The following KCNJ15 variants were observed in gnomAD, a reference collection of about 807,000 sequenced individuals.
KCNJ15 encodes the protein ATP-sensitive inward rectifier potassium channel 15.
Under a neutral mutation model 23.0 loss-of-function variants are expected in KCNJ15, and 14 were observed. That is an observed-to-expected ratio of 0.61 (90% CI 0.40 to 0.95). The LOEUF (loss-of-function observed/expected upper bound fraction) is 0.95. Ranked by LOEUF, KCNJ15 falls within the 40% of genes least tolerant of loss-of-function variation. KCNJ15 has a pLI of 0.00. For synonymous variants in KCNJ15, 185 were observed against 183.2 expected, an observed-to-expected ratio of 1.01 and a Z score of -0.08; for missense variants, 388 against 461.8, an observed-to-expected ratio of 0.84 and a Z score of 1.46.
chr21:38,231,268 A>C (rs1266375072), intron 1 of KCNJ15, among the ~76,000 whole-genome samples: 1 of 151,982 alleles, frequency 6.6e-6, no homozygotes, highest in Non-Finnish European at 1.5e-5. Context: ...GCCTATAACA[A>C]TGCAATTAAT....
At chr21:38,263,716 T>C (rs1601169626) in intron 1 of KCNJ15, among the ~76,000 whole-genome samples, 1 of 152,210 alleles carries the variant, frequency 6.6e-6, no homozygotes, top group East Asian at 2.0e-4. Context: ...ACATGTGTGA[T>C]GTCCAGGCTC....
rs1339140573 is a variant in KCNJ15 at position 38,304,246 on chromosome 21, C to CT, written c.*3857_*3858insT. The CT allele has an allele frequency of 8.7e-6, 1 of 115,214 alleles. No homozygotes were observed. Among genetic ancestry groups the CT allele is most frequent in the African/African-American group, 3.2e-5 (1 of 31,174 alleles). The allele number at this position is 115,214 out of a possible 1,614,324, so 7.1% of individuals were successfully genotyped here. On this transcript the variant is annotated 3_prime_UTR_variant, in exon 3 of 3. Coordinates refer to ENST00000398938, the MANE Select transcript of KCNJ15 (RefSeq NM_170736.3). ...GGTATATCTCCTAATGCTATCCCTCCCCCCTCCCCCCACCCCACAACAGTC... is the reference window on the plus strand; with the variant it reads ...GGTATATCTCCTAATGCTATCCCTCCTCCCCTCCCCCCACCCCACAACAGTC...
chr21:38,291,904 A>T (rs982088555), intron 1 of KCNJ15, among the ~76,000 whole-genome samples: 5 of 152,278 alleles, frequency 3.3e-5, no homozygotes, highest in African/African-American at 1.2e-4. Context: ...TGGGAATAAT[A>T]TTAGTACTTA....
intron 1 of KCNJ15, among the ~76,000 whole-genome samples, chr21:38,257,395 A>G (rs1309245655): frequency 1.3e-5 from 2 of 152,206 alleles, no homozygotes; most frequent in African/African-American, 2.4e-5. Context: ...GGACAAAAAA[A>G]AGTGTTTTAT....
At chr21:38,283,963 G>A (rs1008430199) in intron 1 of KCNJ15, among the ~76,000 whole-genome samples, 3 of 152,162 alleles carry the variant, frequency 2.0e-5, no homozygotes, top group African/African-American at 7.2e-5. Context: ...CTGGGTTGCT[G>A]CTTCCACACT....
rs1158363870 is a variant in KCNJ15 at position 38,300,834 on chromosome 21, T to C, written c.*445T>C. ...TCATTGATCTCACTGCTTTAAAACA[T>C]GCTCTTTTTGTTCAAGCAGGAAAAA... On this transcript the variant is annotated 3_prime_UTR_variant, in exon 3 of 3. Transcript: ENST00000398938. 1 of 169,374 alleles carries C rather than the reference T, an allele frequency of 5.9e-6. No individual in the cohort carries two copies. The highest frequency in any genetic ancestry group is 1.4e-5 in the Non-Finnish European group (1 of 70,190). The allele number at this position is 169,374 out of a possible 1,614,324, so 10.5% of individuals were successfully genotyped here. A position where few individuals can be genotyped will look rare whatever the true frequency, so the allele number is the denominator to read the frequency against.
At chr21:38,239,561 C>T (rs528538885) in intron 1 of KCNJ15, among the ~76,000 whole-genome samples, 4 of 152,262 alleles carry the variant, frequency 2.6e-5, no homozygotes, top group Admixed American at 6.5e-5. Flanking sequence ...TACTTAATTT[C>T]AACCACATTT....
At position 38,257,160 on chromosome 21, in the gene KCNJ15, G is replaced by A. The variant is rs1980335053; in HGVS notation, c.-142G>A. 6.6e-6 allele frequency: 1 copy of A among 152,248 alleles called. No individual in the cohort carries two copies. Among genetic ancestry groups the A allele is most frequent in the African/African-American group, 2.4e-5 (1 of 41,436 alleles). 9.4% of individuals were successfully genotyped at this position (152,248 alleles called of 1,614,324 possible). A position where few individuals can be genotyped will look rare whatever the true frequency, so the allele number is the denominator to read the frequency against. ...TTGACATAACTTCCCATCCAGCCAG[G>A]AGTCTGCACTCTTCAGTCTTTGCAG... is the stretch of plus-strand genomic sequence containing the variant. On this transcript the variant is annotated 5_prime_UTR_variant, in exon 1 of 3. Coordinates refer to ENST00000398938, the MANE Select transcript of KCNJ15 (RefSeq NM_170736.3).
At chr21:38,266,694 A>T (rs1400379913) in intron 1 of KCNJ15, among the ~76,000 whole-genome samples, 1 of 152,176 alleles carries the variant, frequency 6.6e-6, no homozygotes, top group African/African-American at 2.4e-5. Flanking sequence ...TGCTGGGTCA[A>T]ATGGTATTTC....
intron 1 of KCNJ15, among the ~76,000 whole-genome samples, chr21:38,287,466 G>A (rs969470807): frequency 1.3e-5 from 2 of 152,268 alleles, no homozygotes; most frequent in Admixed American, 1.3e-4. Flanking sequence ...AGGCCACTCT[G>A]TACTATGCAA....
chr21:38,283,764 G>A (rs1983599233), intron 1 of KCNJ15, among the ~76,000 whole-genome samples: 2 of 152,178 alleles, frequency 1.3e-5, no homozygotes, highest in Non-Finnish European at 2.9e-5. Flanking sequence ...CGGACACCAT[G>A]CAGGAAGCTC....
chr21:38,274,297 G>C (rs1265206259), intron 1 of KCNJ15, among the ~76,000 whole-genome samples: 2 of 152,186 alleles, frequency 1.3e-5, no homozygotes, highest in Non-Finnish European at 2.9e-5. Flanking sequence ...AGCCAAGTTT[G>C]TTCCACATCC....
intron 1 of KCNJ15, among the ~76,000 whole-genome samples, chr21:38,245,005 T>C (rs1339911221): frequency 6.6e-6 from 1 of 152,090 alleles, no homozygotes; most frequent in East Asian, 1.9e-4. Context: ...ATTGTCGGTC[T>C]AAGATGCTCT....
At chr21:38,240,438 G>A (rs1978916692) in intron 1 of KCNJ15, among the ~76,000 whole-genome samples, 2 of 152,276 alleles carry the variant, frequency 1.3e-5, no homozygotes, top group Middle Eastern at 3.4e-3. Context: ...TAGCAAGGAA[G>A]TTTTTCTTCA....
intron 1 of KCNJ15, among the ~76,000 whole-genome samples, chr21:38,268,550 GAAAAA>G (rs576709021): frequency 9.1e-4 from 43 of 47,268 alleles, no homozygotes; most frequent in Admixed American, 2.3e-3. Context: ...CTTAAAATCT[GAAAAA>G]AAAAAAAAAA....
intron 1 of KCNJ15, among the ~76,000 whole-genome samples, chr21:38,232,259 AAT>A (rs1978330659): frequency 6.6e-6 from 1 of 151,466 alleles, no homozygotes. Context: ...ATTCCCTTAT[AAT>A]ATGTTTTATT....
At chr21:38,231,829 G>A (rs1184649850) in intron 1 of KCNJ15, among the ~76,000 whole-genome samples, 1 of 151,826 alleles carries the variant, frequency 6.6e-6, no homozygotes, top group Non-Finnish European at 1.5e-5. Flanking sequence ...TTGTCATAGT[G>A]AGTGTGTAAT....
upstream of KCNJ15, among the ~76,000 whole-genome samples, chr21:38,253,394 G>T (rs2123585685): frequency 6.6e-6 from 1 of 152,244 alleles, no homozygotes; most frequent in South Asian, 2.1e-4. Context: ...TATGCTCCAA[G>T]ACTCACCTAT....
Position 38,287,918 on chromosome 21 carries a change from C to T in KCNJ15, c.-116-9008C>T, listed in dbSNP as rs77515804. Among the ~76,000 whole-genome samples the T allele has an allele frequency of 6.8e-3, 1,031 of 151,008 alleles. 7 individuals carry two copies. The highest frequency in any genetic ancestry group is 0.022 in the African/African-American group (912 of 41,130). On this transcript the variant is annotated intron_variant, in intron 1 of 2. Transcript: ENST00000398938. ...TTTTGGTATAAACTGTGTTCCACTG[C>T]GATACAGTTTCTATATCAGAGAAAT...
Sources: gnomAD v4.1 joint callset for allele counts (sites outside exome capture counted in the v4.1 genomes callset) on GRCh38, gnomAD v4.1.1 for gene constraint, MANE v1.5 for transcripts, NCBI Gene and HGNC (gene_info 2026-07-23, HGNC 2026-07-21) for gene names.